GRXCR1: variants seen among roughly 807,000 people sequenced by gnomAD.
GRXCR1 encodes the protein glutaredoxin domain-containing cysteine-rich protein 1.
GRXCR1 carries 27 observed loss-of-function variants against 27.3 expected under a neutral mutation model. That is an observed-to-expected ratio of 0.99 (90% CI 0.73 to 1.37). GRXCR1 has a LOEUF of 1.37. Ranked by LOEUF, GRXCR1 falls within the 40% of genes most tolerant of loss-of-function variation. GRXCR1 has a pLI of 0.00. For missense variants in GRXCR1, 379 were observed against 354.4 expected (o/e 1.07, Z -0.56); for synonymous variants, 122 against 131.1 (o/e 0.93, Z 0.47).
chr4:42,954,600 T>C (rs548390301), intron 1 of GRXCR1, among the ~76,000 whole-genome samples: 16 of 152,076 alleles, frequency 1.1e-4, no homozygotes, highest in Non-Finnish European at 1.3e-4. Context: ...ATATGTAGAG[T>C]TCCTTTTGCA....
intron 2 of GRXCR1, among the ~76,000 whole-genome samples, chr4:43,006,245 G>A (rs774251702): frequency 5.3e-5 from 8 of 152,142 alleles, no homozygotes; most frequent in Non-Finnish European, 8.8e-5. Flanking sequence ...GTGTGTTTGA[G>A]CAATATGAAA....
At chr4:42,998,892 A>G (rs765714380) in intron 2 of GRXCR1, among the ~76,000 whole-genome samples, 16 of 152,178 alleles carry the variant, frequency 1.1e-4, no homozygotes, top group Non-Finnish European at 2.4e-4. Context: ...AAATTGGTAG[A>G]TTTGGCTTTC....
intron 2 of GRXCR1, among the ~76,000 whole-genome samples, chr4:42,963,783 C>G (rs1369992627): frequency 1.3e-5 from 2 of 151,934 alleles, no homozygotes; most frequent in Admixed American, 6.6e-5. Context: ...AGCCCACAGA[C>G]AGGGCTCCAG....
intron 1 of GRXCR1, among the ~76,000 whole-genome samples, chr4:42,934,653 T>A (rs1396893374): frequency 3.3e-5 from 5 of 151,968 alleles, no homozygotes; most frequent in Non-Finnish European, 7.4e-5. Flanking sequence ...ACTTCTATTT[T>A]GTGTTTTTAC....
chr4:42,931,231 G>A (rs1338706740), intron 1 of GRXCR1, among the ~76,000 whole-genome samples: 2 of 151,982 alleles, frequency 1.3e-5, no homozygotes, highest in Admixed American at 6.6e-5. Flanking sequence ...ACTTCAATAA[G>A]TAAAATGTAC....
In GRXCR1 at chr4:42,960,420, T is replaced by A. The variant is rs1748105489; in HGVS notation, c.385-2472T>A. ...TGCCTTGCTTGCTGATACCTGTTAA[T>A]ATGAAGAGGAGGTATAGACCCTTGG... On this transcript the variant is annotated intron_variant, in intron 1 of 3. Coordinates refer to ENST00000399770, the MANE Select transcript of GRXCR1 (RefSeq NM_001080476.3). 7.9e-5 allele frequency among the ~76,000 whole-genome samples: 12 copies of A among 151,956 alleles called. No individual in the cohort carries two copies. The South Asian group carries it at 2.5e-3, about 31-fold the overall frequency.
intron 2 of GRXCR1, among the ~76,000 whole-genome samples, chr4:42,977,359 G>A (rs1748548436): frequency 6.6e-6 from 1 of 151,866 alleles, no homozygotes; most frequent in East Asian, 1.9e-4. Context: ...GGATCATATG[G>A]TAGTTGTATT....
intron 2 of GRXCR1, among the ~76,000 whole-genome samples, chr4:43,019,721 T>C (rs1056702078): frequency 4.6e-5 from 7 of 152,166 alleles, no homozygotes; most frequent in Non-Finnish European, 5.9e-5. Context: ...CTGGAGTGCA[T>C]GCCCTACCTG....
chr4:42,993,453 G>T (rs1712038859), intron 2 of GRXCR1, among the ~76,000 whole-genome samples: 1 of 151,868 alleles, frequency 6.6e-6, no homozygotes, highest in Non-Finnish European at 1.5e-5. Flanking sequence ...TTGGAATGGG[G>T]TTATGTCTCG....
chr4:42,964,717 C>T (rs1380486267), intron 2 of GRXCR1, among the ~76,000 whole-genome samples: 2 of 152,004 alleles, frequency 1.3e-5, no homozygotes, highest in African/African-American at 2.4e-5. Flanking sequence ...TGCCTGTTTG[C>T]TGGTATAGTT....
chr4:43,004,580 C>A (rs570450103), intron 2 of GRXCR1, among the ~76,000 whole-genome samples: 1 of 152,284 alleles, frequency 6.6e-6, no homozygotes, highest in Admixed American at 6.5e-5. Flanking sequence ...CTGCTCAAGA[C>A]CTTGGGAGCC....
intron 2 of GRXCR1, among the ~76,000 whole-genome samples, chr4:42,996,079 C>G (rs1368335967): frequency 6.6e-6 from 1 of 152,004 alleles, no homozygotes; most frequent in East Asian, 1.9e-4. Context: ...ACTAGTGTTA[C>G]TTTAGAAGCA....
In GRXCR1 at chr4:42,987,229, TTATATATATATAATATATAATA is replaced by T. The variant is rs1234468779; in HGVS notation, c.627+24106_627+24127del. Reference sequence around the variant, plus strand: ...ATATATATTATATATATATTATATATTATATATATATAATATATAATATATATATATAATATATATATATATA... The same window carrying T: ...ATATATATTATATATATATTATATATTATATATATAATATATATATATATA... On this transcript the variant is annotated intron_variant, in intron 2 of 3. Transcript: ENST00000399770. Among the ~76,000 whole-genome samples the T allele has an allele frequency of 8.3e-3, 765 of 92,128 alleles. 13 individuals are homozygous for T. The highest frequency in any genetic ancestry group is 0.073 in the East Asian group (239 of 3,266). 60.4% of individuals were successfully genotyped at this position (92,128 alleles called of 152,430 possible).
At chr4:43,006,015 C>T (rs372313411) in intron 2 of GRXCR1, among the ~76,000 whole-genome samples, 2 of 152,274 alleles carry the variant, frequency 1.3e-5, no homozygotes, top group East Asian at 3.9e-4. Flanking sequence ...TTATTAGTTC[C>T]CCAAATTAAT....
intron 1 of GRXCR1, among the ~76,000 whole-genome samples, chr4:42,894,708 T>C (rs1746310518): frequency 1.3e-5 from 2 of 152,108 alleles, no homozygotes; most frequent in Admixed American, 1.3e-4. Flanking sequence ...CTTTTTAATA[T>C]ATGGCAATTA....
intron 2 of GRXCR1, among the ~76,000 whole-genome samples, chr4:43,001,771 CAAG>C (rs1560683051): frequency 6.6e-6 from 1 of 152,108 alleles, no homozygotes. Context: ...TCCAGCACAC[CAAG>C]GACCTGCACC....
intron 1 of GRXCR1, among the ~76,000 whole-genome samples, chr4:42,895,568 G>A (rs954757445): frequency 6.6e-6 from 1 of 152,132 alleles, no homozygotes; most frequent in Non-Finnish European, 1.5e-5. Context: ...AGTTAAAGGA[G>A]TGGCTACACT....
chr4:43,007,727 T>C (rs867761631), intron 2 of GRXCR1, among the ~76,000 whole-genome samples: 2 of 152,334 alleles, frequency 1.3e-5, no homozygotes, highest in Middle Eastern at 3.4e-3. Flanking sequence ...AGAATATTGA[T>C]TTGAGTAAGA....
intron 2 of GRXCR1, among the ~76,000 whole-genome samples, chr4:43,008,822 T>A (rs926355583): frequency 5.9e-5 from 9 of 152,236 alleles, no homozygotes; most frequent in Non-Finnish European, 2.9e-5. Context: ...ATTTTTGTGT[T>A]TGTTTCCCTA....
Sources: gnomAD v4.1 joint callset for allele counts (sites outside exome capture counted in the v4.1 genomes callset) on GRCh38, gnomAD v4.1.1 for gene constraint, MANE v1.5 for transcripts, NCBI Gene and HGNC (gene_info 2026-07-23, HGNC 2026-07-21) for gene names.